The following ZNF765 variants were observed in gnomAD, a reference collection of about 807,000 sequenced individuals.
The protein encoded by ZNF765 is zinc finger protein 765.
In ZNF765, 37 loss-of-function variants were observed where a neutral mutation model predicts 44.7. That is an observed-to-expected ratio of 0.83 (90% confidence interval 0.64 to 1.09). The LOEUF (loss-of-function observed/expected upper bound fraction) is 1.09, where lower values mean the gene tolerates loss of function less well. ZNF765 is among the 50% of genes least tolerant of loss of function. ZNF765 has a pLI of 0.00. For missense variants in ZNF765, 594 were observed against 626.1 expected (o/e 0.95, Z 0.55); for synonymous variants, 201 against 213.7 (o/e 0.94, Z 0.52).
At chr19:53,416,268 TG>T (rs2085874468), downstream of ZNF765, among the ~76,000 whole-genome samples, 1 of 152,134 alleles carries the variant, frequency 6.6e-6, no homozygotes, top group Non-Finnish European at 1.5e-5. Flanking sequence ...AGGCCAGGCA[TG>T]GTAGCGGGTG....
intron 3 of ZNF765, among the ~76,000 whole-genome samples, chr19:53,418,910 G>GA (rs34443506): frequency 0.024 from 2,290 of 96,788 alleles, 89 homozygotes; most frequent in African/African-American, 0.08. Flanking sequence ...GTTGTGGGAG[G>GA]AAAAAAAAAA....
downstream of ZNF765, among the ~76,000 whole-genome samples, chr19:53,414,546 C>T (rs1344824713): frequency 6.9e-6 from 1 of 144,882 alleles, no homozygotes; most frequent in East Asian, 2.1e-4. Context: ...CCATTTCCCT[C>T]CACAAACTGC....
At chr19:53,403,665 G>A (rs371855049) in intron 3 of ZNF765, among the ~76,000 whole-genome samples, 7 of 152,288 alleles carry the variant, frequency 4.6e-5, no homozygotes, top group African/African-American at 1.7e-4. Flanking sequence ...CTAACATGGC[G>A]AAACTCCGTC....
At chr19:53,396,914 C>T (rs2085676621) in intron 1 of ZNF765, among the ~76,000 whole-genome samples, 1 of 152,202 alleles carries the variant, frequency 6.6e-6, no homozygotes, top group Admixed American at 6.5e-5. Context: ...TTATATGGAG[C>T]TATTAGCTGA....
downstream of ZNF765, chr19:53,413,306 T>TA: frequency 3.4e-6 from 2 of 586,810 alleles, no homozygotes; most frequent in East Asian, 8.7e-5. Context: ...GGTACAACTT[T>TA]AAAAGGAGAC....
intron 3 of ZNF765, among the ~76,000 whole-genome samples, chr19:53,419,503 G>C (rs1044507824): frequency 1.3e-5 from 2 of 152,182 alleles, no homozygotes; most frequent in African/African-American, 4.8e-5. Flanking sequence ...GAACAGGAAA[G>C]TTTTAATAAT....
At chr19:53,396,717 T>C (rs1244602815) in intron 1 of ZNF765, among the ~76,000 whole-genome samples, 1 of 152,222 alleles carries the variant, frequency 6.6e-6, no homozygotes, top group Non-Finnish European at 1.5e-5. Flanking sequence ...CTTGTTCTTC[T>C]TTTCTTTTTA....
chr19:53,412,477 T>G (rs554387417), downstream of ZNF765, among the ~76,000 whole-genome samples: 4 of 152,320 alleles, frequency 2.6e-5, no homozygotes, highest in Admixed American at 2.6e-4. Context: ...GAGAAAATTG[T>G]GCATGAATTT....
At position 53,401,791 on chromosome 19, in the gene ZNF765, G is replaced by A. The variant is rs144648333; in HGVS notation, c.16-274G>A. ...TTCAGGAGGCTAAGGCAGGAGAATC[G>A]TTTGATCCTGGGACTTGGAGGTTGC... is the stretch of plus-strand genomic sequence containing the variant. On this transcript the variant is annotated intron_variant, in intron 2 of 3. Coordinates refer to ENST00000396408, the MANE Select transcript of ZNF765 (RefSeq NM_001040185.3). The A allele has an allele frequency of 2.8e-5, 20 of 716,018 alleles. 1 individual carries two copies. Among genetic ancestry groups the A allele is most frequent in the African/African-American group, 1.4e-4 (8 of 56,012 alleles). 44.4% of individuals were successfully genotyped at this position (716,018 alleles called of 1,614,324 possible).
At position 53,409,953 on chromosome 19, in the gene ZNF765, C is replaced by A; in HGVS notation, c.*826C>A. 1.7e-6 allele frequency: 1 copy of A among 572,812 alleles called. No individual in the cohort carries two copies. Among genetic ancestry groups the A allele is most frequent in the South Asian group, 1.4e-5 (1 of 69,084 alleles). 35.5% of individuals were successfully genotyped at this position (572,812 alleles called of 1,614,324 possible). On this transcript the variant is annotated 3_prime_UTR_variant, in exon 4 of 4. Transcript: ENST00000396408. ...TGTCACCAAGTCTTGAGTAATGCTA[C>A]AACTATTGCAAATCATTGGAGAATC... is the stretch of plus-strand genomic sequence containing the variant.
Position 53,408,026 on chromosome 19 carries a change from A to C in ZNF765, c.471A>C (p.Glu157Asp). The change falls in exon 4 of 4, where the codon GAA becomes GAC. Residue 157 changes from glutamate (E) to aspartate (D), a missense_variant. Coordinates refer to ENST00000396408, the MANE Select transcript of ZNF765 (RefSeq NM_001040185.3). ...HLPELHIFHT[E>D]EKIDNQVVKS... Reference sequence around the variant, plus strand: ...CTGAACTGCACATATTTCACACTGAAGAGAAAATTGATAATCAAGTTGTGA... The same window carrying C: ...CTGAACTGCACATATTTCACACTGACGAGAAAATTGATAATCAAGTTGTGA... 9 of 1,614,178 alleles carry C rather than the reference A, an allele frequency of 5.6e-6. No homozygotes were observed. Among genetic ancestry groups the C allele is most frequent in the Non-Finnish European group, 7.6e-6 (9 of 1,180,018 alleles).
At chr19:53,415,182 A>T (rs1442711623), downstream of ZNF765, among the ~76,000 whole-genome samples, 2 of 152,108 alleles carry the variant, frequency 1.3e-5, no homozygotes. Context: ...AGGCAGGAGA[A>T]TCACTTGAAG....
At chr19:53,419,143 C>G (rs551619657) in intron 3 of ZNF765, among the ~76,000 whole-genome samples, 1 of 152,130 alleles carries the variant, frequency 6.6e-6, no homozygotes, top group East Asian at 1.9e-4. Context: ...GGTGTTTAAT[C>G]CACATGATAA....
At chr19:53,419,455 C>T (rs2085894503) in intron 3 of ZNF765, among the ~76,000 whole-genome samples, 1 of 152,142 alleles carries the variant, frequency 6.6e-6, no homozygotes, top group African/African-American at 2.4e-5. Flanking sequence ...TATGGTGAGA[C>T]TCTTTTCAGT....
downstream of ZNF765, chr19:53,413,166 G>A (rs142021279): frequency 2.3e-3 from 1,302 of 565,354 alleles, 13 homozygotes; most frequent in African/African-American, 0.022. Context: ...CCCTTGTGGT[G>A]TGTACTTGAC....
intron 2 of ZNF765, among the ~76,000 whole-genome samples, chr19:53,399,345 T>G (rs1425865933): frequency 3.3e-5 from 5 of 150,662 alleles, no homozygotes; most frequent in Non-Finnish European, 7.4e-5. Flanking sequence ...GCTTAGACCC[T>G]TTGCCATCAG....
chr19:53,408,208 A>G lies in ZNF765; in HGVS notation c.653A>G (p.Asn218Ser), dbSNP rs776816503. 1.9e-5 allele frequency: 30 copies of G among 1,614,110 alleles called. No homozygotes were observed. The highest frequency in any genetic ancestry group is 1.8e-4 in the Admixed American group (11 of 60,016). ...ATGAGGGAAAAATCTTTCCAATGCA[A>G]TGACAGTGGCAAAGCCTATAATTGT... ...VHMREKSFQC[N>S]DSGKAYNCSS... Residue 218 changes from asparagine to serine, a missense_variant, in exon 4 of 4, where the codon AAT becomes AGT. Transcript: ENST00000396408.
chr19:53,398,089 G>A, intron 2 of ZNF765, 59 bp downstream of exon 2: 2 of 1,613,344 alleles, frequency 1.2e-6, no homozygotes, highest in Non-Finnish European at 1.7e-6. Context: ...TGCTGACCTT[G>A]GAGTTTGGAA....
downstream of ZNF765, among the ~76,000 whole-genome samples, chr19:53,415,787 T>C (rs1020120794): frequency 8.5e-5 from 13 of 152,140 alleles, no homozygotes; most frequent in Non-Finnish European, 1.6e-4. Context: ...AGAATTCATT[T>C]CTTTCTCCTG....
Sources: gnomAD v4.1 joint callset for allele counts (sites outside exome capture counted in the v4.1 genomes callset) on GRCh38, gnomAD v4.1.1 for gene constraint, MANE v1.5 for transcripts, NCBI Gene and HGNC (gene_info 2026-07-23, HGNC 2026-07-21) for gene names.